TMEM8B: variants seen among roughly 807,000 people sequenced by gnomAD.
TMEM8B encodes the protein nasopharyngeal carcinoma expressed 6.
Under a neutral mutation model 49.3 loss-of-function variants are expected in TMEM8B, and 29 were observed. The observed-to-expected ratio is 0.59, with a 90% CI of 0.44 to 0.80. TMEM8B has a LOEUF of 0.80. Ranked by LOEUF, TMEM8B falls within the 30% of genes least tolerant of loss-of-function variation. The pLI is 0.00. For synonymous variants in TMEM8B, 264 were observed against 272.8 expected (o/e 0.97, Z 0.32); for missense variants, 575 against 658.5 (o/e 0.87, Z 1.39).
rs1012150476 is a variant in TMEM8B, at chr9:35,846,356, C to T, written c.1828C>T (p.Arg610Cys). 3.1e-6 allele frequency: 5 copies of T among 1,613,710 alleles called. No individual in the cohort carries two copies. Among genetic ancestry groups the T allele is most frequent in the Admixed American group, 1.7e-5 (1 of 60,010 alleles). Residue 610 changes from arginine to cysteine, a missense_variant, in exon 8 of 13, where the codon CGC (arginine) becomes TGC (cysteine). Coordinates refer to ENST00000643932, the MANE Select transcript of TMEM8B (RefSeq NM_001042590.4). Reference sequence around the variant, plus strand: ...GACGGGGACCTGGTTCCTGGCCCTCCGCTCCCTGTGCGGGGTGGGGCCTCG... The same window carrying T: ...GACGGGGACCTGGTTCCTGGCCCTCTGCTCCCTGTGCGGGGTGGGGCCTCG... ...PQTGTWFLAL[R>C]SLCGVGPRFV...
In TMEM8B at chr9:35,834,650, TGTGA is replaced by T. The variant is rs1830259602; in HGVS notation, c.698+4_698+7del. The T allele has an allele frequency of 7.2e-6, 3 of 415,668 alleles. No individual in the cohort carries two copies. 25.7% of individuals were successfully genotyped at this position (415,668 alleles called of 1,614,324 possible). On this transcript the variant is annotated splice_donor_variant and splice_donor_region_variant and intron_variant, in intron 2 of 12. Transcript: ENST00000643932. LOFTEE classifies it high-confidence loss of function. ...CACTGCCCAGACCAAAGTGTGACTG[TGTGA>T]GTGTCTGAGTTAATTTCCCAACCCC...
At chr9:35,838,443 G>A (rs953780911) in intron 3 of TMEM8B, among the ~76,000 whole-genome samples, 12 of 151,846 alleles carry the variant, frequency 7.9e-5, no homozygotes, top group Admixed American at 2.0e-4. Context: ...TCTCCAGGTT[G>A]TAGTGGCCCA....
chr9:35,845,177 G>A (rs1831398700), intron 6 of TMEM8B, among the ~76,000 whole-genome samples: 1 of 152,198 alleles, frequency 6.6e-6, no homozygotes, highest in Admixed American at 6.5e-5. Context: ...ATTCTCCAGA[G>A]ACTCTGATTA....
In TMEM8B at chr9:35,863,347, G is replaced by A. The variant is rs1832681313; in HGVS notation, c.*9507G>A. ...AAGAGCTACATCAGTAACATGGTGG[G>A]TTTTCCTCACAACTTAAAAGTCTGA... On this transcript the variant is annotated 3_prime_UTR_variant, in exon 13 of 13. Transcript: ENST00000643932. 6.6e-6 allele frequency: 1 copy of A among 152,180 alleles called. No individual in the cohort carries two copies. The highest frequency in any genetic ancestry group is 2.4e-5 in the African/African-American group (1 of 41,438). 9.4% of individuals were successfully genotyped at this position (152,180 alleles called of 1,614,324 possible).
At chr9:35,834,059 C>CACACAA (rs1830191875) in intron 1 of TMEM8B, among the ~76,000 whole-genome samples, 1 of 151,486 alleles carries the variant, frequency 6.6e-6, no homozygotes, top group Admixed American at 6.6e-5. Context: ...CACACACACA[C>CACACAA]ACACACACAC....
rs748161178 is a variant in TMEM8B, at chr9:35,852,875, G to A, written c.2224G>A (p.Asp742Asn). The stretch of plus-strand genomic sequence containing the variant: ...AGGCATCGTGGTTTTCTGCATCATG[G>A]ACTACGATGTGCTGCAGTTCTGTGA... ...QPGIVVFCIM[D>N]YDVLQFCDFL... is the part of the protein sequence containing the mutation. Residue 742 changes from aspartate to asparagine, a missense_variant, in exon 11 of 13, where the codon GAC becomes AAC. Asp to Asn is a conservative substitution (Grantham distance 23). Coordinates refer to ENST00000643932, the MANE Select transcript of TMEM8B (RefSeq NM_001042590.4). 3 of 1,614,184 alleles carry A rather than the reference G, an allele frequency of 1.9e-6. No homozygotes were observed. Among genetic ancestry groups the A allele is most frequent in the Non-Finnish European group, 2.5e-6 (3 of 1,180,034 alleles).
rs1487493891 is a variant in TMEM8B at position 35,861,751 on chromosome 9, C to A, written c.*7911C>A. The A allele has an allele frequency of 6.6e-6, 1 of 152,242 alleles. No homozygotes were observed. Among genetic ancestry groups the A allele is most frequent in the East Asian group, 1.9e-4 (1 of 5,190 alleles). The allele number at this position is 152,242 out of a possible 1,614,324, so 9.4% of individuals were successfully genotyped here. ...CCTGAAGGTGCTGCCCCGGGGGGTG[C>A]AATGACCTGTTACTGAGGCTGGATG... On this transcript the variant is annotated 3_prime_UTR_variant, in exon 13 of 13. Coordinates refer to ENST00000643932, the MANE Select transcript of TMEM8B (RefSeq NM_001042590.4).
chr9:35,853,317 G>A lies in TMEM8B; in HGVS notation c.2439+60G>A. 1 of 1,500,442 alleles carries A rather than the reference G, an allele frequency of 6.7e-7. No homozygotes were observed. The highest frequency in any genetic ancestry group is 9.2e-7 in the Non-Finnish European group (1 of 1,081,740). 92.9% of individuals were successfully genotyped at this position (1,500,442 alleles called of 1,614,324 possible). ...AGCAGGACTTGGGTGCTGGGCCCCA[G>A]GTATCTGGTCCCCAGTTTAAGGTGG... is the stretch of plus-strand genomic sequence containing the variant. On this transcript the variant is annotated intron_variant, in intron 12 of 12. Coordinates refer to ENST00000643932, the MANE Select transcript of TMEM8B (RefSeq NM_001042590.4). This position sits in a 1 kb window ranked among gnomAD's most constrained non-coding sequence, Gnocchi z 4.2.
Position 35,829,750 on chromosome 9 carries a change from G to T in TMEM8B, c.303G>T (p.Leu101=). 1 of 413,104 alleles carries T rather than the reference G, an allele frequency of 2.4e-6. No homozygotes were observed. The allele number at this position is 413,104 out of a possible 1,614,324, so 25.6% of individuals were successfully genotyped here. A position where few individuals can be genotyped will look rare whatever the true frequency, so the allele number is the denominator to read the frequency against. Reference sequence around the variant, plus strand: ...AGCCCTTCCTTCCATCCCACTCCCTGCCCTTGTTCAAGCCCCAGTGTCCAG... The same window carrying T: ...AGCCCTTCCTTCCATCCCACTCCCTTCCCTTGTTCAAGCCCCAGTGTCCAG... ...PSQPFLPSHS[L]PLFKPQCPAQ... Residue 101 remains leucine (L), a synonymous_variant, in exon 1 of 13, where the codon CTG becomes CTT. Transcript: ENST00000643932.
intron 10 of TMEM8B, 145 bp from the exon 11 acceptor site, chr9:35,852,682 C>A: frequency 1.1e-6 from 1 of 918,202 alleles, no homozygotes; most frequent in Non-Finnish European, 1.7e-6. Context: ...TTTGGGGAGT[C>A]AGGCATTTCC....
chr9:35,831,138 C>G (rs1323360591), intron 1 of TMEM8B, among the ~76,000 whole-genome samples: 1 of 152,210 alleles, frequency 6.6e-6, no homozygotes, highest in Non-Finnish European at 1.5e-5. Flanking sequence ...ACAACCCCTG[C>G]AGAGATGTCT....
chr9:35,833,589 C>T (rs543952299), intron 1 of TMEM8B, among the ~76,000 whole-genome samples: 1 of 152,344 alleles, frequency 6.6e-6, no homozygotes, highest in East Asian at 1.9e-4. Context: ...ATGACCACTT[C>T]CTCCCCACCT....
chr9:35,848,705 T>C (rs147904359), intron 10 of TMEM8B, among the ~76,000 whole-genome samples: 4,317 of 150,256 alleles, frequency 0.029, 190 homozygotes, highest in African/African-American at 0.096. Flanking sequence ...GACAGAGTCT[T>C]GCTGTGTTGC....
chr9:35,847,632 T>G (rs1001954587), intron 10 of TMEM8B, among the ~76,000 whole-genome samples: 3 of 152,176 alleles, frequency 2.0e-5, no homozygotes, highest in Admixed American at 6.5e-5. Context: ...CCTGAGAAGC[T>G]TTACAGACTC....
At chr9:35,852,685 G>A in intron 10 of TMEM8B, 142 bp from the exon 11 acceptor site, 1 of 945,762 alleles carries the variant, frequency 1.1e-6, no homozygotes, top group East Asian at 2.4e-5. Context: ...GGGGAGTCAG[G>A]CATTTCCCAG....
At chr9:35,832,702 T>C (rs1465822363) in intron 1 of TMEM8B, among the ~76,000 whole-genome samples, 1 of 152,142 alleles carries the variant, frequency 6.6e-6, no homozygotes, top group Non-Finnish European at 1.5e-5. Context: ...AGATGACCCA[T>C]CCCTGGTACC....
Position 35,859,570 on chromosome 9 carries a change from G to A in TMEM8B, c.*5730G>A, listed in dbSNP as rs998529044. On this transcript the variant is annotated 3_prime_UTR_variant, in exon 13 of 13. Coordinates refer to ENST00000643932, the MANE Select transcript of TMEM8B (RefSeq NM_001042590.4). ...AGCGCTGCCATCTGCATGCAGGTCT[G>A]CCCACTCATGAGCTCTGGGTACCTA... The A allele has an allele frequency of 6.4e-6, 1 of 157,106 alleles. No individual in the cohort carries two copies. The allele number at this position is 157,106 out of a possible 1,614,324, so 9.7% of individuals were successfully genotyped here.
At chr9:35,850,894 C>T (rs1832073397) in intron 10 of TMEM8B, among the ~76,000 whole-genome samples, 1 of 152,094 alleles carries the variant, frequency 6.6e-6, no homozygotes, top group Non-Finnish European at 1.5e-5. Flanking sequence ...AAAATAAAAT[C>T]CAAGTCATAA....
Position 35,863,070 on chromosome 9 carries a change from C to G in TMEM8B, c.*9230C>G, listed in dbSNP as rs977609916. The stretch of plus-strand genomic sequence containing the variant: ...TCAGAAGGCTGAGGTGGGAGGAGTA[C>G]TTGAGCCCAGGAGTTCGAGGTTACA... On this transcript the variant is annotated 3_prime_UTR_variant, in exon 13 of 13. Transcript: ENST00000643932. 5 of 152,318 alleles carry G rather than the reference C, an allele frequency of 3.3e-5. No individual in the cohort carries two copies. The highest frequency in any genetic ancestry group is 9.7e-5 in the African/African-American group (4 of 41,436). 9.4% of individuals were successfully genotyped at this position (152,318 alleles called of 1,614,324 possible).
Sources: gnomAD v4.1 joint callset for allele counts (sites outside exome capture counted in the v4.1 genomes callset) on GRCh38, gnomAD v4.1.1 for gene constraint, Gnocchi (gnomAD v3.1) non-coding constraint, MANE v1.5 for transcripts, NCBI Gene and HGNC (gene_info 2026-07-23, HGNC 2026-07-21) for gene names.